The following POLR1C variants were observed in gnomAD, a reference collection of about 807,000 sequenced individuals.
POLR1C encodes the protein RNA polymerase I and III subunit C.
POLR1C carries 42 observed loss-of-function variants against 38.3 expected under a neutral mutation model. The observed-to-expected ratio is 1.10, with a 90% CI of 0.86 to 1.42. The LOEUF (loss-of-function observed/expected upper bound fraction) is 1.42. Ranked by LOEUF, POLR1C falls within the 40% of genes most tolerant of loss-of-function variation. The pLI, the probability that POLR1C is intolerant of heterozygous loss-of-function variation, is 0.00. For synonymous variants in POLR1C, 163 were observed against 163.9 expected (o/e 0.99, Z 0.04); for missense variants, 507 against 450.5 (o/e 1.13, Z -1.14).
At chr6:43,544,562 G>C (rs909050930) in intron 9 of POLR1C, among the ~76,000 whole-genome samples, 1 of 152,170 alleles carries the variant, frequency 6.6e-6, no homozygotes, top group African/African-American at 2.4e-5. Flanking sequence ...TAGGTGATTA[G>C]CTTCTTGCCC....
In POLR1C at chr6:43,539,399, A is replaced by C. The variant is rs532850694; in HGVS notation, c.*4+10040A>C. ...CATAATCTTCAAAACCTCATCCTTG[A>C]GAGAGGCCCCCAGGAAAAAGTCAAT... On this transcript the variant is annotated intron_variant, in intron 9 of 10. Transcript: ENST00000607635. 1,288 of 1,576,156 alleles carry C rather than the reference A, an allele frequency of 8.2e-4. 14 individuals carry two copies. The highest frequency in any genetic ancestry group is 3.1e-4 in the Non-Finnish European group (364 of 1,165,712).
At chr6:43,531,637 ACT>A (rs1793987054), downstream of POLR1C, 1 of 1,388,854 alleles carries the variant, frequency 7.2e-7, no homozygotes, top group South Asian at 1.2e-5. Context: ...ATTGGCCAAC[ACT>A]CTACAGCAGG....
chr6:43,526,196 T>C, downstream of POLR1C: 1 of 460,276 alleles, frequency 2.2e-6, no homozygotes, highest in Non-Finnish European at 3.9e-6. Flanking sequence ...GGACAAATAT[T>C]TGAGCACCAG....
intron 9 of POLR1C, among the ~76,000 whole-genome samples, chr6:43,540,124 G>A (rs903197057): frequency 6.6e-6 from 1 of 151,724 alleles, no homozygotes; most frequent in Admixed American, 6.6e-5. Context: ...GCATGGTGGC[G>A]CACGCCTGTA....
At chr6:43,560,187 G>A (rs750849769) in intron 10 of POLR1C, 2 of 1,612,530 alleles carry the variant, frequency 1.2e-6, no homozygotes, top group Non-Finnish European at 1.7e-6. Context: ...CCTTGACCAA[G>A]TTAGTCATGG....
intron 10 of POLR1C, chr6:43,553,688 G>A: frequency 2.3e-6 from 3 of 1,312,700 alleles, no homozygotes; most frequent in Non-Finnish European, 3.0e-6. Context: ...TGTGCTGAAA[G>A]CAATGAGGTA....
chr6:43,537,937 G>A (rs867270126), intron 9 of POLR1C, among the ~76,000 whole-genome samples: 6 of 151,350 alleles, frequency 4.0e-5, no homozygotes, highest in African/African-American at 7.3e-5. Context: ...GCGTGGTGGC[G>A]CACACCTGTA....
rs984511962 is a variant in POLR1C at position 43,539,971 on chromosome 6, G to A, written c.*4+10612G>A. ...TATTTTATTTTTAAAAATAGAAGAC[G>A]GGGCTGGGCACAGTGGCTCACGCCT... On this transcript the variant is annotated intron_variant, in intron 9 of 10. Transcript: ENST00000607635. 1.2e-3 allele frequency among the ~76,000 whole-genome samples: 188 copies of A among 152,324 alleles called. 1 individual carries two copies. The highest frequency in any genetic ancestry group is 4.3e-3 in the African/African-American group (178 of 41,584).
chr6:43,546,830 G>A, intron 9 of POLR1C: 1 of 1,379,388 alleles, frequency 7.2e-7, no homozygotes, highest in Non-Finnish European at 9.7e-7. Context: ...ATATATTCAA[G>A]GTTCTGGCAA....
chr6:43,523,923 T>C (rs1395416585), downstream of POLR1C: 2 of 1,613,936 alleles, frequency 1.2e-6, no homozygotes, highest in Middle Eastern at 1.6e-4. Flanking sequence ...CACCTCCGTC[T>C]CCAGCATTGG....
In POLR1C at chr6:43,526,639, T is replaced by G. The variant is rs993666030; in HGVS notation, c.923-2610T>G. 3.1e-6 allele frequency: 5 copies of G among 1,607,124 alleles called. No homozygotes were observed. In the African/African-American group the frequency reaches 5.3e-5, roughly 17 times the overall value. ...TGACCTGGTTCAGAAGGAACAGTAT[T>G]TAGGAGGCTAAGAGCAGAACTCCAA... is the stretch of plus-strand genomic sequence containing the variant. On this transcript the variant is annotated intron_variant, in intron 8 of 8. Coordinates refer to the POLR1C transcript ENST00000304004.
At chr6:43,541,094 G>T (rs1272185057) in intron 9 of POLR1C, among the ~76,000 whole-genome samples, 1 of 152,148 alleles carries the variant, frequency 6.6e-6, no homozygotes, top group African/African-American at 2.4e-5. Context: ...ATGGTTAGCA[G>T]AGGGGCTGGG....
chr6:43,540,611 C>T (rs997126914), intron 9 of POLR1C, among the ~76,000 whole-genome samples: 1 of 152,184 alleles, frequency 6.6e-6, no homozygotes, highest in Non-Finnish European at 1.5e-5. Context: ...CGAGATCATG[C>T]CTTTGCATGC....
rs1564320 is a variant in POLR1C at position 43,548,020 on chromosome 6, T to C, written c.*5-2948T>C. Among the ~76,000 whole-genome samples the C allele has an allele frequency of 0.19, 28,622 of 152,144 alleles. 5,757 individuals carry two copies. The highest frequency in any genetic ancestry group is 0.51 in the African/African-American group (21,080 of 41,442). Reference sequence around the variant, plus strand: ...TGGCCCTTCCTAGCTGTTCTCATTTTTCTAAATGTGCTGGTGCTGCAATGC... The same window carrying C: ...TGGCCCTTCCTAGCTGTTCTCATTTCTCTAAATGTGCTGGTGCTGCAATGC... On this transcript the variant is annotated intron_variant, in intron 9 of 10. Coordinates refer to the POLR1C transcript ENST00000607635.
chr6:43,537,655 A>C (rs1007043011), intron 9 of POLR1C, among the ~76,000 whole-genome samples: 11 of 152,240 alleles, frequency 7.2e-5, no homozygotes, highest in African/African-American at 2.7e-4. Context: ...GTGTAACAAA[A>C]TAACAAAAAT....
At chr6:43,561,225 T>TCA (rs1019001364) in intron 10 of POLR1C, among the ~76,000 whole-genome samples, 4 of 152,030 alleles carry the variant, frequency 2.6e-5, no homozygotes, top group African/African-American at 7.2e-5. Flanking sequence ...TACTCAATCA[T>TCA]CATCATTAAA....
At chr6:43,561,222 T>G (rs1762398094) in intron 10 of POLR1C, among the ~76,000 whole-genome samples, 1 of 151,980 alleles carries the variant, frequency 6.6e-6, no homozygotes, top group African/African-American at 2.4e-5. Flanking sequence ...GCCTACTCAA[T>G]CATCATCATT....
chr6:43,526,018 G>T, downstream of POLR1C: 1 of 1,401,202 alleles, frequency 7.1e-7, no homozygotes, highest in Non-Finnish European at 9.9e-7. Flanking sequence ...AAAGCTGAGT[G>T]TTCTAGGCTA....
intron 10 of POLR1C, chr6:43,560,950 GAA>G: frequency 6.2e-7 from 1 of 1,613,944 alleles, no homozygotes; most frequent in Non-Finnish European, 8.5e-7. Context: ...GTGAAAGCAA[GAA>G]AAGATTCCAG....
Sources: allele counts gnomAD v4.1 joint callset (sites outside exome capture counted in the v4.1 genomes callset), GRCh38; gene constraint gnomAD v4.1.1; transcripts MANE v1.5; gene names NCBI Gene and HGNC (gene_info 2026-07-23, HGNC 2026-07-21).